SEPTIN11: variants seen among roughly 807,000 people sequenced by gnomAD.
SEPTIN11 encodes septin 11, also known as septin-11.
In SEPTIN11, 25 loss-of-function variants were observed where a neutral mutation model predicts 51.4. The ratio of observed to expected loss-of-function variants is 0.49; its 90% CI spans 0.35 to 0.68. The LOEUF is 0.68. Ranked by LOEUF, SEPTIN11 falls within the 30% of genes least tolerant of loss-of-function variation. SEPTIN11 has a pLI of 0.00. For synonymous variants in SEPTIN11, 174 were observed against 184.1 expected (o/e 0.95, Z 0.44); for missense variants, 381 against 520.8 (o/e 0.73, Z 2.61).
intron 2 of SEPTIN11, among the ~76,000 whole-genome samples, chr4:76,998,137 C>CT (rs1173866424): frequency 6.6e-6 from 1 of 152,152 alleles, no homozygotes; most frequent in Non-Finnish European, 1.5e-5. Context: ...TATTTGGAGT[C>CT]TCCTGGGTGG....
rs1313160992 is a variant in SEPTIN11, at chr4:76,949,754, G to A, written c.-150G>A. The stretch of plus-strand genomic sequence containing the variant: ...CGGGAGGGGCGGCGGCGTGGGGGGA[G>A]CAGATGCCGCTGGCTGCCAGCGGGA... On this transcript the variant is annotated 5_prime_UTR_variant, in exon 1 of 10. Transcript: ENST00000264893. 11 of 738,206 alleles carry A rather than the reference G, an allele frequency of 1.5e-5. No homozygotes were observed. Among genetic ancestry groups the A allele is most frequent in the East Asian group, 6.6e-5 (2 of 30,500 alleles). The allele number at this position is 738,206 out of a possible 1,614,324, so 45.7% of individuals were successfully genotyped here.
rs1485668850 is a variant in SEPTIN11 at position 77,024,748 on chromosome 4, T to C, written c.954-3881T>C. On this transcript the variant is annotated intron_variant, in intron 7 of 9. Transcript: ENST00000264893. This position sits in a 1 kb window ranked among gnomAD's most constrained non-coding sequence, Gnocchi z 4.2. ...CATGCAGTGCAGGAGATGGAGTTCT[T>C]ATCTGAGCAAGGCAGCCTGGTCTCA... 6.6e-6 allele frequency among the ~76,000 whole-genome samples: 1 copy of C among 152,218 alleles called. No homozygotes were observed. The highest frequency in any genetic ancestry group is 2.4e-5 in the African/African-American group (1 of 41,462).
downstream of SEPTIN11, chr4:77,040,047 C>G (rs982295322): frequency 6.6e-6 from 1 of 152,172 alleles, no homozygotes; most frequent in African/African-American, 2.4e-5. Flanking sequence ...TTTTTTGTTA[C>G]GGGATTTTGA....
chr4:76,990,756 C>T (rs567983375), intron 1 of SEPTIN11, among the ~76,000 whole-genome samples: 34 of 152,334 alleles, frequency 2.2e-4, no homozygotes, highest in African/African-American at 7.9e-4. Context: ...CTAGAATGTT[C>T]ACACAAGAAC....
chr4:76,995,892 G>A (rs1310666285), intron 1 of SEPTIN11: 2 of 1,535,608 alleles, frequency 1.3e-6, no homozygotes, highest in South Asian at 1.2e-5. Context: ...ATGGAGGAGA[G>A]GAAACCAGCT....
chr4:77,029,787 T>TAC (rs1560749901), intron 8 of SEPTIN11, among the ~76,000 whole-genome samples: 1 of 150,728 alleles, frequency 6.6e-6, no homozygotes, highest in East Asian at 2.0e-4. Flanking sequence ...CACACATATA[T>TAC]ATACACACAC....
chr4:76,959,676 C>T (rs1205506284), intron 1 of SEPTIN11, among the ~76,000 whole-genome samples: 4 of 151,794 alleles, frequency 2.6e-5, no homozygotes, highest in Non-Finnish European at 2.9e-5. Context: ...GAACTTAGGA[C>T]AAAGCTTAAA....
Position 77,035,330 on chromosome 4 carries a change from A to G in SEPTIN11, c.*818A>G, listed in dbSNP as rs1290349682. The G allele has an allele frequency of 2.0e-6, 2 of 985,320 alleles. No homozygotes were observed. The highest frequency in any genetic ancestry group is 1.2e-4 in the Admixed American group (2 of 16,266). 61.0% of individuals were successfully genotyped at this position (985,320 alleles called of 1,614,324 possible). A position where few individuals can be genotyped will look rare whatever the true frequency, so the allele number is the denominator to read the frequency against. On this transcript the variant is annotated 3_prime_UTR_variant, in exon 10 of 10. Transcript: ENST00000264893. ...ATGGGCTTTCTACAGCCTGCTTACC[A>G]CTAACAGTAAGGAATCTTTCATAAA... is the stretch of plus-strand genomic sequence containing the variant.
intron 8 of SEPTIN11, among the ~76,000 whole-genome samples, chr4:77,029,781 C>T (rs567679717): frequency 2.2e-5 from 3 of 139,240 alleles, no homozygotes; most frequent in South Asian, 2.2e-4. Context: ...CACACACACA[C>T]ATATATATAC....
Position 77,005,661 on chromosome 4 carries a change from G to A in SEPTIN11, c.203G>A (p.Ser68Asn), listed in dbSNP as rs756037913. The change falls in exon 3 of 10, where the codon AGT becomes AAT. Residue 68 changes from serine to asparagine, a missense_variant. Transcript: ENST00000264893. ...ACTTTGTTCAACACCAAATTTGAAA[G>A]TGACCCAGCTACTCACAATGAACCA... ...MDTLFNTKFESDPATHNEPGV... is the reference protein window; with the variant it reads ...MDTLFNTKFENDPATHNEPGV... 1.2e-5 allele frequency: 20 copies of A among 1,614,046 alleles called. No homozygotes were observed. Among genetic ancestry groups the A allele is most frequent in the Non-Finnish European group, 1.7e-5 (20 of 1,179,966 alleles).
chr4:77,036,767 C>T lies in SEPTIN11; in HGVS notation c.*2255C>T. On this transcript the variant is annotated 3_prime_UTR_variant, in exon 10 of 10. Transcript: ENST00000264893. ...TTTCTGTATCTATGCCTTTTTTTCA[C>T]AGTAGTCCTTGGCTCTGCACGGAAT... The T allele has an allele frequency of 6.5e-7, 1 of 1,534,968 alleles. No individual in the cohort carries two copies. Among genetic ancestry groups the T allele is most frequent in the South Asian group, 1.2e-5 (1 of 83,964 alleles).
chr4:76,970,004 C>G (rs1722176534), intron 1 of SEPTIN11, among the ~76,000 whole-genome samples: 2 of 152,242 alleles, frequency 1.3e-5, no homozygotes, highest in South Asian at 4.1e-4. Flanking sequence ...ACTTCTGTTC[C>G]CTTCAGAATA....
At chr4:77,039,203 G>T (rs937993048), downstream of SEPTIN11, 2 of 1,257,406 alleles carry the variant, frequency 1.6e-6, no homozygotes, top group African/African-American at 3.1e-5. Context: ...ATCGCCTCCT[G>T]TTCTTTTAAA....
rs1014727625 is a variant in SEPTIN11, at chr4:76,985,491, G to T, written c.28-10934G>T. Among the ~76,000 whole-genome samples the T allele has an allele frequency of 7.9e-5, 12 of 152,278 alleles. No individual in the cohort carries two copies. The Middle Eastern group carries it at 0.01, about 129-fold the overall frequency. On this transcript the variant is annotated intron_variant, in intron 1 of 9. Transcript: ENST00000264893. ...CAGCGTTTTTCCTAAGGGCATATGAGAAATTTAATTTCTGATGGAATGAAG... is the reference window on the plus strand; with the variant it reads ...CAGCGTTTTTCCTAAGGGCATATGATAAATTTAATTTCTGATGGAATGAAG...
intron 5 of SEPTIN11, among the ~76,000 whole-genome samples, chr4:77,018,310 A>T (rs183313862): frequency 6.6e-6 from 1 of 152,062 alleles, no homozygotes; most frequent in Non-Finnish European, 1.5e-5. Flanking sequence ...TTAGCTGGGC[A>T]TGGTGGCCGG....
chr4:76,971,619 C>T (rs1560700353), intron 1 of SEPTIN11, among the ~76,000 whole-genome samples: 1 of 152,064 alleles, frequency 6.6e-6, no homozygotes, highest in Non-Finnish European at 1.5e-5. Flanking sequence ...AATCTTTCTA[C>T]GTATTGTGAT....
chr4:76,999,378 T>G (rs889305940), intron 2 of SEPTIN11, among the ~76,000 whole-genome samples: 9 of 152,212 alleles, frequency 5.9e-5, no homozygotes, highest in Non-Finnish European at 1.3e-4. Flanking sequence ...GACGGCCTCG[T>G]AGAGGAGGAG....
intron 1 of SEPTIN11, among the ~76,000 whole-genome samples, chr4:76,956,305 A>G (rs2109879132): frequency 6.6e-6 from 1 of 152,346 alleles, no homozygotes; most frequent in Non-Finnish European, 1.5e-5. Flanking sequence ...GAGAAGTAAT[A>G]TAGAGAAGGA....
rs1219900831 is a variant in SEPTIN11 at position 77,005,647 on chromosome 4, C to T, written c.189C>T (p.Asn63=). The stretch of plus-strand genomic sequence containing the variant: ...CCACGTTAATGGACACTTTGTTCAA[C>T]ACCAAATTTGAAAGTGACCCAGCTA... ...GKSTLMDTLF[N]TKFESDPATH... The change falls in exon 3 of 10, where the codon AAC becomes AAT. Residue 63 remains asparagine (N), a synonymous_variant. Coordinates refer to ENST00000264893, the MANE Select transcript of SEPTIN11 (RefSeq NM_018243.4). 8 of 1,613,888 alleles carry T rather than the reference C, an allele frequency of 5.0e-6. No homozygotes were observed. The highest frequency in any genetic ancestry group is 1.1e-5 in the South Asian group (1 of 91,066).
Sources: gnomAD v4.1 joint callset for allele counts (sites outside exome capture counted in the v4.1 genomes callset) on GRCh38, gnomAD v4.1.1 for gene constraint, Gnocchi (gnomAD v3.1) non-coding constraint, MANE v1.5 for transcripts, NCBI Gene and HGNC (gene_info 2026-07-23, HGNC 2026-07-21) for gene names.